DPYSL5: variants seen among roughly 807,000 people sequenced by gnomAD.
DPYSL5 encodes dihydropyrimidinase-related protein 5.
A neutral mutation model predicts 58.4 loss-of-function variants in DPYSL5; 9 were observed. The observed-to-expected ratio is 0.15, with a 90% CI of 0.09 to 0.27. The LOEUF (loss-of-function observed/expected upper bound fraction) is 0.27, where lower values mean the gene tolerates loss of function less well. Ranked by LOEUF, DPYSL5 falls within the 10% of genes least tolerant of loss-of-function variation. The pLI is 1.00. For missense variants in DPYSL5, 499 were observed against 770.6 expected, an observed-to-expected ratio of 0.65 and a Z score of 4.17; for synonymous variants, 293 against 301.9, an observed-to-expected ratio of 0.97 and a Z score of 0.31.
chr2:26,853,819 T>C (rs546136084), intron 1 of DPYSL5, among the ~76,000 whole-genome samples: 1 of 152,204 alleles, frequency 6.6e-6, no homozygotes, highest in Admixed American at 6.5e-5. Context: ...AGGAAAAATC[T>C]CCTTTCCTTA....
intron 1 of DPYSL5, among the ~76,000 whole-genome samples, chr2:26,851,292 A>G (rs534846942): frequency 2.1e-5 from 1 of 47,250 alleles, no homozygotes; most frequent in Non-Finnish European, 4.0e-5. Context: ...TCTGTTCCTC[A>G]TGGCAGGGAA....
At chr2:26,914,564 C>G (rs1664518089) in intron 2 of DPYSL5, among the ~76,000 whole-genome samples, 1 of 152,186 alleles carries the variant, frequency 6.6e-6, no homozygotes, top group Admixed American at 6.5e-5. Context: ...CTGCTCCCTA[C>G]AGCTTACCAA....
At chr2:26,864,456 G>A (rs928559192) in intron 1 of DPYSL5, among the ~76,000 whole-genome samples, 2 of 152,208 alleles carry the variant, frequency 1.3e-5, no homozygotes, top group African/African-American at 4.8e-5. Flanking sequence ...GGAAAGGTGG[G>A]GAAGATGATT....
chr2:26,904,430 T>C (rs1288291876), intron 2 of DPYSL5, among the ~76,000 whole-genome samples: 1 of 152,226 alleles, frequency 6.6e-6, no homozygotes, highest in Non-Finnish European at 1.5e-5. Flanking sequence ...TGGCCAAAAT[T>C]TCTTTCCCGT....
At chr2:26,895,878 T>C (rs1329979945) in intron 1 of DPYSL5, among the ~76,000 whole-genome samples, 1 of 151,234 alleles carries the variant, frequency 6.6e-6, no homozygotes, top group Non-Finnish European at 1.5e-5. Context: ...CCTCCCCGGT[T>C]TAAGCAATTC....
Position 26,942,174 on chromosome 2 carries a change from T to C in DPYSL5, c.1232+82T>C. On this transcript the variant is annotated intron_variant, in intron 10 of 12. Coordinates refer to ENST00000288699, the MANE Select transcript of DPYSL5 (RefSeq NM_020134.4). This position sits in a 1 kb window ranked among gnomAD's most constrained non-coding sequence, Gnocchi z 5.9. Reference sequence around the variant, plus strand: ...TGCATTACAGATCTCCAAAAGCATATAATTTTGCACTATTTCTAGCACAAA... The same window carrying C: ...TGCATTACAGATCTCCAAAAGCATACAATTTTGCACTATTTCTAGCACAAA... 1 of 1,578,064 alleles carries C rather than the reference T, an allele frequency of 6.3e-7. No individual in the cohort carries two copies. The highest frequency in any genetic ancestry group is 8.6e-7 in the Non-Finnish European group (1 of 1,162,672).
intron 1 of DPYSL5, among the ~76,000 whole-genome samples, chr2:26,871,479 G>A (rs1369414122): frequency 6.6e-6 from 1 of 152,078 alleles, no homozygotes; most frequent in African/African-American, 2.4e-5. Context: ...GTCTTGCTCT[G>A]TCGCCCAGGT....
chr2:26,879,059 A>G (rs1335428667), intron 1 of DPYSL5, among the ~76,000 whole-genome samples: 1 of 152,184 alleles, frequency 6.6e-6, no homozygotes, highest in African/African-American at 2.4e-5. Context: ...GAGCTCCATG[A>G]GAGTTGGTTG....
chr2:26,906,274 C>T (rs1167347790), intron 2 of DPYSL5, among the ~76,000 whole-genome samples: 1 of 151,114 alleles, frequency 6.6e-6, no homozygotes, highest in African/African-American at 2.4e-5. Flanking sequence ...ACCTCCACTT[C>T]CCAGGTTCAA....
intron 2 of DPYSL5, among the ~76,000 whole-genome samples, chr2:26,922,680 A>C (rs1407060705): frequency 6.6e-6 from 1 of 152,240 alleles, no homozygotes; most frequent in Non-Finnish European, 1.5e-5. Flanking sequence ...TGTAAAGCTC[A>C]ATATACACCC....
intron 2 of DPYSL5, among the ~76,000 whole-genome samples, chr2:26,921,537 G>T (rs1182654067): frequency 2.0e-5 from 3 of 152,168 alleles, no homozygotes; most frequent in East Asian, 1.9e-4. Context: ...CACTAAAAAG[G>T]TCTGTCACAT....
rs187248567 is a variant in DPYSL5 at position 26,900,262 on chromosome 2, C to T, written c.261+1502C>T. Among the ~76,000 whole-genome samples the T allele has an allele frequency of 8.5e-5, 13 of 152,232 alleles. No homozygotes were observed. In the East Asian group the frequency reaches 1.5e-3, roughly 18 times the overall value. On this transcript the variant is annotated intron_variant, in intron 2 of 12. Transcript: ENST00000288699. ...AGGATTTTTTAAATAACAGCTTAAT[C>T]GAGATATAATTTACATATCATACAA... is the stretch of plus-strand genomic sequence containing the variant.
At position 26,949,998 on chromosome 2, in the gene DPYSL5, G is replaced by A. The variant is rs1157418646; in HGVS notation, c.*3003G>A. 1 of 152,556 alleles carries A rather than the reference G, an allele frequency of 6.6e-6. No homozygotes were observed. The highest frequency in any genetic ancestry group is 6.5e-5 in the Admixed American group (1 of 15,278). 9.5% of individuals were successfully genotyped at this position (152,556 alleles called of 1,614,324 possible). ...TAAGTTGCCAGAAAATTGTGCTACT[G>A]TGTGTGCGTGTGCGTGCGTGTGTGT... On this transcript the variant is annotated 3_prime_UTR_variant, in exon 13 of 13. Coordinates refer to ENST00000288699, the MANE Select transcript of DPYSL5 (RefSeq NM_020134.4).
At chr2:26,932,215 A>AAGAAAAG (rs1558351754) in intron 6 of DPYSL5, among the ~76,000 whole-genome samples, 1 of 146,448 alleles carries the variant, frequency 6.8e-6, no homozygotes, top group South Asian at 2.2e-4. Context: ...AAGAAAAGAA[A>AAGAAAAG]GAAAGAAAGA....
chr2:26,900,317 G>GT (rs1664123370), intron 2 of DPYSL5, among the ~76,000 whole-genome samples: 1 of 152,176 alleles, frequency 6.6e-6, no homozygotes, highest in African/African-American at 2.4e-5. Flanking sequence ...TAAGTCAGTG[G>GT]TTTTGGTATA....
At position 26,934,824 on chromosome 2, in the gene DPYSL5, G is replaced by T; in HGVS notation, c.947+90G>T. Reference sequence around the variant, plus strand: ...CAGGAAACAAATCTGAGCTAGGTTTGATTTCATTGTGCCCATAGGATCATT... The same window carrying T: ...CAGGAAACAAATCTGAGCTAGGTTTTATTTCATTGTGCCCATAGGATCATT... On this transcript the variant is annotated intron_variant, in intron 8 of 12. Transcript: ENST00000288699. This position sits in a 1 kb window ranked among gnomAD's most constrained non-coding sequence, Gnocchi z 4.3. 6.6e-7 allele frequency: 1 copy of T among 1,509,518 alleles called. No homozygotes were observed. The highest frequency in any genetic ancestry group is 1.2e-5 in the South Asian group (1 of 80,724). The allele number at this position is 1,509,518 out of a possible 1,614,324, so 93.5% of individuals were successfully genotyped here.
At chr2:26,932,097 G>GAA (rs1163081416) in intron 6 of DPYSL5, among the ~76,000 whole-genome samples, 904 of 27,018 alleles carry the variant, frequency 0.033, 99 homozygotes, top group African/African-American at 0.074. Flanking sequence ...AAAAAAGAAA[G>GAA]AGAAAGAAAG....
intron 12 of DPYSL5, among the ~76,000 whole-genome samples, chr2:26,946,180 G>A (rs1218957920): frequency 6.6e-6 from 1 of 152,150 alleles, no homozygotes; most frequent in Admixed American, 6.5e-5. Flanking sequence ...CCCACGAGAG[G>A]CACCAAGACC....
chr2:26,850,981 C>CAT (rs968801481), intron 1 of DPYSL5, among the ~76,000 whole-genome samples: 19 of 145,914 alleles, frequency 1.3e-4, no homozygotes, highest in Admixed American at 4.0e-4. Context: ...TATATACACA[C>CAT]ATATATATAT....
Sources: gnomAD v4.1 joint callset for allele counts (sites outside exome capture counted in the v4.1 genomes callset) on GRCh38, gnomAD v4.1.1 for gene constraint, Gnocchi (gnomAD v3.1) non-coding constraint, MANE v1.5 for transcripts, NCBI Gene and HGNC (gene_info 2026-07-23, HGNC 2026-07-21) for gene names.